TPRG1: variants seen among roughly 807,000 people sequenced by gnomAD.
TPRG1 encodes the protein tumor protein p63 regulated 1.
In TPRG1, 29 loss-of-function variants were observed where a neutral mutation model predicts 29.3. That is an observed-to-expected ratio of 0.99 (90% CI 0.74 to 1.35). TPRG1 has a LOEUF of 1.35. Among genes scored for constraint, TPRG1 ranks in the 40% most tolerant of loss-of-function variants. TPRG1 has a pLI of 0.00. For synonymous variants in TPRG1, 130 were observed against 116.8 expected (o/e 1.11, Z -0.73); for missense variants, 327 against 335.0 (o/e 0.98, Z 0.19).
intron 4 of TPRG1, among the ~76,000 whole-genome samples, chr3:189,042,979 G>A (rs1429025514): frequency 3.3e-5 from 5 of 152,120 alleles, no homozygotes; most frequent in South Asian, 2.1e-4. Context: ...GCCTGTCACC[G>A]TTTGTAACCA....
chr3:189,232,921 T>C (rs1376153571), intron 3 of TPRG1, among the ~76,000 whole-genome samples: 1 of 152,230 alleles, frequency 6.6e-6, no homozygotes, highest in Admixed American at 6.5e-5. Flanking sequence ...ATTTTTCATC[T>C]GTTTGTGTTT....
chr3:189,173,948 T>A (rs1014457897), intron 1 of TPRG1, among the ~76,000 whole-genome samples: 1 of 152,188 alleles, frequency 6.6e-6, no homozygotes, highest in Non-Finnish European at 1.5e-5. Context: ...TTGGTTCTTC[T>A]GGAATATTTG....
Position 189,262,241 on chromosome 3 carries a change from TATAA to T in TPRG1, c.479+23333_479+23336del, listed in dbSNP as rs1713222314. 2.6e-5 allele frequency among the ~76,000 whole-genome samples: 4 copies of T among 151,594 alleles called. 1 individual carries two copies. The highest frequency in any genetic ancestry group is 9.7e-5 in the African/African-American group (4 of 41,196). On this transcript the variant is annotated intron_variant, in intron 4 of 5. Transcript: ENST00000345063. The stretch of plus-strand genomic sequence containing the variant: ...GTATAAGTATAAGTATAAGTATAAG[TATAA>T]GTATAAGTATAAGACTTGGTAGAAG...
chr3:189,113,541 G>A (rs1479816535), intron 1 of TPRG1, among the ~76,000 whole-genome samples: 1 of 151,988 alleles, frequency 6.6e-6, no homozygotes, highest in Admixed American at 6.6e-5. Context: ...ATTATTTTGA[G>A]ATATGTCCCA....
chr3:189,319,442 G>A (rs1482794312), intron 5 of TPRG1, among the ~76,000 whole-genome samples: 1 of 151,890 alleles, frequency 6.6e-6, no homozygotes, highest in African/African-American at 2.4e-5. Flanking sequence ...AGTTGCTCAG[G>A]CCAAAAACCT....
At chr3:189,245,405 T>A (rs1392657440) in intron 4 of TPRG1, among the ~76,000 whole-genome samples, 1 of 152,192 alleles carries the variant, frequency 6.6e-6, no homozygotes, top group East Asian at 1.9e-4. Context: ...ATATGTTGTG[T>A]GTCTATTATC....
At chr3:189,162,001 T>A (rs1223965224) in intron 5 of TPRG1, among the ~76,000 whole-genome samples, 4 of 152,152 alleles carry the variant, frequency 2.6e-5, no homozygotes, top group African/African-American at 7.2e-5. Context: ...ATTCTTTTTT[T>A]TCTTTTTTTG....
At chr3:189,060,084 T>C (rs1716001126) in intron 4 of TPRG1, among the ~76,000 whole-genome samples, 1 of 151,958 alleles carries the variant, frequency 6.6e-6, no homozygotes, top group Non-Finnish European at 1.5e-5. Context: ...AATACAAAAT[T>C]AGCCGGGTGT....
At chr3:189,058,094 TG>T (rs1715856687) in intron 4 of TPRG1, among the ~76,000 whole-genome samples, 1 of 152,032 alleles carries the variant, frequency 6.6e-6, no homozygotes, top group Non-Finnish European at 1.5e-5. Context: ...CAATTTGGGC[TG>T]GGATATCCAC....
At chr3:189,118,579 C>A (rs188262385) in intron 1 of TPRG1, among the ~76,000 whole-genome samples, 2 of 152,316 alleles carry the variant, frequency 1.3e-5, no homozygotes, top group East Asian at 3.9e-4. Flanking sequence ...GTTGTGTAGC[C>A]TGGGCCCAGG....
At chr3:189,080,093 C>T (rs571447068) in intron 4 of TPRG1, among the ~76,000 whole-genome samples, 100 of 152,226 alleles carry the variant, frequency 6.6e-4, no homozygotes, top group African/African-American at 2.3e-3. Flanking sequence ...TGAAGGGCTA[C>T]ATTATATGGC....
intron 4 of TPRG1, among the ~76,000 whole-genome samples, chr3:189,274,658 T>A (rs374718698): frequency 6.5e-4 from 99 of 152,246 alleles, no homozygotes; most frequent in African/African-American, 2.3e-3. Flanking sequence ...GACCACTGAT[T>A]CAAATTTTTG....
intron 3 of TPRG1, among the ~76,000 whole-genome samples, chr3:189,006,786 C>T (rs1472097093): frequency 6.6e-6 from 1 of 152,066 alleles, no homozygotes; most frequent in Non-Finnish European, 1.5e-5. Flanking sequence ...TAGCTTCTCG[C>T]CTAAGTGTTT....
Position 189,207,502 on chromosome 3 carries a change from C to T in TPRG1, c.118C>T (p.Gln40Ter). ...GGAGGAAGAGGACCCGATGCCAAGA[C>T]AGATTTCAAGGCAGTCAAGTGTGAC... The part of the protein sequence containing the change: ...SMEEEDPMPR[Q>*]ISRQSSVTES... The change falls in exon 2 of 6, where the codon CAG becomes TAG. Residue 40 changes from glutamine to a stop codon, truncating the protein, a stop_gained. Coordinates refer to ENST00000345063, the MANE Select transcript of TPRG1 (RefSeq NM_198485.4). LOFTEE classifies it high-confidence loss of function. 1 of 1,614,102 alleles carries T rather than the reference C, an allele frequency of 6.2e-7. No homozygotes were observed. The highest frequency in any genetic ancestry group is 8.5e-7 in the Non-Finnish European group (1 of 1,179,986).
At chr3:189,197,954 C>T (rs971199742) in intron 1 of TPRG1, among the ~76,000 whole-genome samples, 5 of 152,106 alleles carry the variant, frequency 3.3e-5, no homozygotes, top group Admixed American at 2.0e-4. Flanking sequence ...TTTACAGTGC[C>T]AAGGCCAGAA....
chr3:189,235,898 G>C (rs1204473780), intron 3 of TPRG1, among the ~76,000 whole-genome samples: 1 of 152,166 alleles, frequency 6.6e-6, no homozygotes, highest in East Asian at 1.9e-4. Context: ...AAGGGTTCTT[G>C]TGAAGATTAA....
chr3:189,022,137 AT>A (rs1713351663), intron 3 of TPRG1, among the ~76,000 whole-genome samples: 1 of 151,756 alleles, frequency 6.6e-6, no homozygotes, highest in South Asian at 2.1e-4. Flanking sequence ...ATTCTTCCAA[AT>A]TTTTTTCAAA....
At chr3:189,013,560 G>C (rs1202513649) in intron 3 of TPRG1, among the ~76,000 whole-genome samples, 3 of 152,098 alleles carry the variant, frequency 2.0e-5, no homozygotes, top group Non-Finnish European at 4.4e-5. Context: ...GCTGAGTTCA[G>C]GTCCTGAAAA....
At chr3:189,212,736 A>T (rs1466019834) in intron 2 of TPRG1, among the ~76,000 whole-genome samples, 1 of 152,180 alleles carries the variant, frequency 6.6e-6, no homozygotes, top group African/African-American at 2.4e-5. Context: ...TCTGGACATG[A>T]CAAGAGAGAC....
Sources: gnomAD v4.1 joint callset for allele counts (sites outside exome capture counted in the v4.1 genomes callset) on GRCh38, gnomAD v4.1.1 for gene constraint, MANE v1.5 for transcripts, NCBI Gene and HGNC (gene_info 2026-07-23, HGNC 2026-07-21) for gene names.